Variants in PTGS1 observed in about 807,000 individuals in gnomAD.
PTGS1 encodes prostaglandin G/H synthase 1.
Under a neutral mutation model 63.0 loss-of-function variants are expected in PTGS1, and 40 were observed. The observed-to-expected ratio is 0.63, with a 90% CI of 0.49 to 0.83. The LOEUF is 0.83. Among genes scored for constraint, PTGS1 ranks in the 40% least tolerant of loss-of-function variants. The pLI is 0.00. For synonymous variants in PTGS1, 298 were observed against 301.9 expected (o/e 0.99, Z 0.13); for missense variants, 709 against 786.5 (o/e 0.90, Z 1.18).
At chr9:122,384,619 G>A (rs1837760302) in intron 8 of PTGS1, among the ~76,000 whole-genome samples, 1 of 152,132 alleles carries the variant, frequency 6.6e-6, no homozygotes, top group Admixed American at 6.5e-5. Context: ...CATGAGCCGG[G>A]TATGATTACC....
intron 5 of PTGS1, 120 bp from the exon 6 acceptor site, chr9:122,381,251 G>C (rs1837492985): frequency 2.0e-6 from 2 of 984,206 alleles, no homozygotes; most frequent in Non-Finnish European, 3.0e-6. Flanking sequence ...TGGGGAGGTG[G>C]TCCTGAGGAG....
At chr9:122,387,057 TCTC>T (rs1343459052) in intron 9 of PTGS1, among the ~76,000 whole-genome samples, 9 of 152,060 alleles carry the variant, frequency 5.9e-5, no homozygotes, top group Non-Finnish European at 5.9e-5. Flanking sequence ...TCTAAGAGCT[TCTC>T]CTATGTTATC....
In PTGS1 at chr9:122,371,060, C is replaced by T. The variant is rs1006705764; in HGVS notation, c.-25C>T. 8.2e-6 allele frequency: 13 copies of T among 1,588,218 alleles called. No individual in the cohort carries two copies. In the African/African-American group the frequency reaches 1.5e-4, roughly 18 times the overall value. On this transcript the variant is annotated 5_prime_UTR_variant, in exon 1 of 11. Transcript: ENST00000362012. ...CGCACGCACAGGAGCCTGCACTCTG[C>T]GTCCCGCACCCCAGCAGCCGCGCCA...
At chr9:122,376,672 T>C (rs1355441656) in intron 2 of PTGS1, among the ~76,000 whole-genome samples, 1 of 152,152 alleles carries the variant, frequency 6.6e-6, no homozygotes, top group African/African-American at 2.4e-5. Context: ...TAAGGAAGTA[T>C]GTTTGCAGAA....
chr9:122,372,443 A>G (rs1396252751), intron 2 of PTGS1, among the ~76,000 whole-genome samples: 7 of 152,210 alleles, frequency 4.6e-5, no homozygotes, highest in Non-Finnish European at 1.0e-4. Flanking sequence ...TAAAGTTTAC[A>G]AAGGTTGGTT....
chr9:122,377,439 CCGTCCT>C (rs1243140725), intron 2 of PTGS1, among the ~76,000 whole-genome samples: 10 of 152,234 alleles, frequency 6.6e-5, no homozygotes, highest in East Asian at 1.9e-4. Context: ...GGAGAAGTCC[CCGTCCT>C]CGTCCTCGTC....
chr9:122,372,299 C>T (rs1836853254), intron 2 of PTGS1, among the ~76,000 whole-genome samples: 1 of 152,084 alleles, frequency 6.6e-6, no homozygotes, highest in African/African-American at 2.4e-5. Flanking sequence ...ACCAAGTTTC[C>T]TGAAACGGGC....
At chr9:122,381,851 A>G in intron 7 of PTGS1, 104 bp downstream of exon 7, 1 of 1,216,342 alleles carries the variant, frequency 8.2e-7, no homozygotes, top group Non-Finnish European at 1.2e-6. Context: ...GAGAGGGCCA[A>G]CCACGGGAGT....
At position 122,383,701 on chromosome 9, in the gene PTGS1, C is replaced by T. The variant is rs1399690917; in HGVS notation, c.955C>T (p.His319Tyr). Residue 319 changes from histidine to tyrosine, a missense_variant, in exon 8 of 11, where the codon CAC becomes TAC. By Grantham distance (83) the His-to-Tyr change is moderately conservative. Transcript: ENST00000362012. ...NRVCDLLKAE[H>Y]PTWGDEQLFQ... ...TGTGTGTGACCTGCTGAAGGCTGAG[C>T]ACCCCACCTGGGGCGATGAGCAGCT... 1.2e-6 allele frequency: 2 copies of T among 1,613,946 alleles called. No individual in the cohort carries two copies. Among genetic ancestry groups the T allele is most frequent in the South Asian group, 1.1e-5 (1 of 91,074 alleles).
At chr9:122,389,702 C>T (rs1838086446) in intron 9 of PTGS1, among the ~76,000 whole-genome samples, 1 of 152,078 alleles carries the variant, frequency 6.6e-6, no homozygotes, top group South Asian at 2.1e-4. Context: ...TGCCTGTAAT[C>T]CCGGCAGTTT....
intron 2 of PTGS1, among the ~76,000 whole-genome samples, chr9:122,375,748 G>T (rs1329980053): frequency 6.6e-6 from 1 of 152,146 alleles, no homozygotes; most frequent in Non-Finnish European, 1.5e-5. Context: ...GTATTAAGGA[G>T]GCTAACAGCC....
At chr9:122,377,610 C>T (rs969958605) in intron 2 of PTGS1, among the ~76,000 whole-genome samples, 2 of 152,100 alleles carry the variant, frequency 1.3e-5, no homozygotes, top group Non-Finnish European at 2.9e-5. Flanking sequence ...CTTCTCCTGC[C>T]GCCGTTTGGT....
chr9:122,380,853 A>G (rs1182862219), intron 5 of PTGS1, among the ~76,000 whole-genome samples: 1 of 152,234 alleles, frequency 6.6e-6, no homozygotes, highest in African/African-American at 2.4e-5. Flanking sequence ...ATTGACACCC[A>G]GAGAGATGAG....
chr9:122,371,518 G>A, intron 2 of PTGS1: 1 of 1,343,780 alleles, frequency 7.4e-7, no homozygotes, highest in Non-Finnish European at 9.8e-7. Context: ...GCCAACTTGG[G>A]GAGAAGGGAC....
At chr9:122,383,180 G>GTT (rs57512284) in intron 7 of PTGS1, among the ~76,000 whole-genome samples, 4 of 122,638 alleles carry the variant, frequency 3.3e-5, no homozygotes, top group Non-Finnish European at 7.4e-5. Context: ...AAGATTTGTT[G>GTT]TTTTTTTTTT....
At position 122,393,177 on chromosome 9, in the gene PTGS1, G is replaced by A. The variant is rs1408210400; in HGVS notation, c.*633G>A. ...CCCACTAAGACCCTGGTCTGAGGAT[G>A]TAGAGAGAACAGGTGGGCTGTATTC... On this transcript the variant is annotated 3_prime_UTR_variant, in exon 11 of 11. Coordinates refer to ENST00000362012, the MANE Select transcript of PTGS1 (RefSeq NM_000962.4). 1 of 152,826 alleles carries A rather than the reference G, an allele frequency of 6.5e-6. No homozygotes were observed. The highest frequency in any genetic ancestry group is 2.4e-5 in the African/African-American group (1 of 41,468). The allele number at this position is 152,826 out of a possible 1,614,324, so 9.5% of individuals were successfully genotyped here.
At chr9:122,371,560 G>A (rs1836811108) in intron 2 of PTGS1, 3 of 1,419,418 alleles carry the variant, frequency 2.1e-6, no homozygotes, top group Non-Finnish European at 2.8e-6. Flanking sequence ...CCTGTTCTGG[G>A]CCCCAGATGT....
In PTGS1 at chr9:122,381,447, A is replaced by G; in HGVS notation, c.573A>G (p.Gln191=). 6.2e-7 allele frequency: 1 copy of G among 1,614,194 alleles called. No individual in the cohort carries two copies. The highest frequency in any genetic ancestry group is 8.5e-7 in the Non-Finnish European group (1 of 1,180,024). Residue 191 remains glutamine (Q), a synonymous_variant, in exon 6 of 11, where the codon CAA becomes CAG. Transcript: ENST00000362012. Reference sequence around the variant, plus strand: ...GGAGGAAGTTCATACCTGACCCCCAAGGCACCAACCTCATGTTTGCCTTCT... The same window carrying G: ...GGAGGAAGTTCATACCTGACCCCCAGGGCACCAACCTCATGTTTGCCTTCT... ...LLRRKFIPDP[Q]GTNLMFAFFA... is the part of the protein sequence containing the mutation.
At chr9:122,378,258 G>A (rs557078555) in intron 3 of PTGS1, among the ~76,000 whole-genome samples, 175 bp from the exon 4 acceptor site, 10 of 152,152 alleles carry the variant, frequency 6.6e-5, no homozygotes, top group South Asian at 2.1e-4. Flanking sequence ...CTGTCCTCAC[G>A]CCCGGTTCTG....
Sources: allele counts gnomAD v4.1 joint callset (sites outside exome capture counted in the v4.1 genomes callset), GRCh38; gene constraint gnomAD v4.1.1; transcripts MANE v1.5; gene names NCBI Gene and HGNC (gene_info 2026-07-23, HGNC 2026-07-21).